The following UBOX5 variants were observed in gnomAD, a reference collection of about 807,000 sequenced individuals.
UBOX5 encodes the protein RING finger protein 37.
UBOX5 carries 28 observed loss-of-function variants against 39.0 expected under a neutral mutation model. The observed-to-expected ratio is 0.72, with a 90% CI of 0.53 to 0.98. UBOX5 has a LOEUF of 0.98. Ranked by LOEUF, UBOX5 falls within the 50% of genes least tolerant of loss-of-function variation. The probability of loss-of-function intolerance (pLI) is 0.00; values close to 1 mark genes in which losing one functional copy is unlikely to be tolerated. For missense variants in UBOX5, 585 were observed against 674.4 expected, an observed-to-expected ratio of 0.87 and a Z score of 1.47; for synonymous variants, 283 against 275.5, an observed-to-expected ratio of 1.03 and a Z score of -0.27.
rs192201149 is a variant in UBOX5, at chr20:3,152,531, G to A, written c.-42+7235C>T. Among the ~76,000 whole-genome samples, 119 of 151,924 alleles carry A rather than the reference G, an allele frequency of 7.8e-4. No homozygotes were observed. In the East Asian group the frequency reaches 0.01, roughly 13 times the overall value. On this transcript the variant is annotated intron_variant, in intron 1 of 4. Coordinates refer to ENST00000217173, the MANE Select transcript of UBOX5 (RefSeq NM_014948.4). The stretch of plus-strand genomic sequence containing the variant: ...AAAAAGAAGAGGAAGACCTACTTTC[G>A]AATTTGGAATTTAATTTAATCCACC...
chr20:3,117,128 C>T (rs991559763), intron 3 of UBOX5, among the ~76,000 whole-genome samples: 5 of 151,600 alleles, frequency 3.3e-5, no homozygotes, highest in African/African-American at 1.2e-4. Flanking sequence ...AAAGAGCTAC[C>T]CTCCACAAGC....
chr20:3,114,737 C>T (rs570919073), intron 4 of UBOX5, among the ~76,000 whole-genome samples: 1 of 152,100 alleles, frequency 6.6e-6, no homozygotes, highest in Non-Finnish European at 1.5e-5. Flanking sequence ...ATCACGAGGT[C>T]GGGAGTTCGA....
At chr20:3,144,587 A>G (rs975787590) in intron 1 of UBOX5, among the ~76,000 whole-genome samples, 4 of 152,254 alleles carry the variant, frequency 2.6e-5, no homozygotes, top group African/African-American at 9.6e-5. Context: ...TAAATATGAT[A>G]CCAAAAGCAC....
At position 3,121,991 on chromosome 20, in the gene UBOX5, G is replaced by A. The variant is rs937674738; in HGVS notation, c.648C>T (p.Asn216=). ...IDSILLVTSE[N]LPQDVALQAP... is the part of the protein sequence containing the mutation. ...CCTGCAGAGCCACATCCTGAGGCAG[G>A]TTCTCTGAGGTGACCAGCAGGATGC... Residue 216 remains asparagine (N), a synonymous_variant, in exon 3 of 5, where the codon AAC becomes AAT. Transcript: ENST00000217173. 1.9e-6 allele frequency: 3 copies of A among 1,614,156 alleles called. No individual in the cohort carries two copies. Among genetic ancestry groups the A allele is most frequent in the East Asian group, 2.2e-5 (1 of 44,884 alleles).
chr20:3,123,236 C>T lies in UBOX5; in HGVS notation c.54+76G>A, dbSNP rs1167225011. ...GTGCAGTAAGCCTGAATCAAATCCA[C>T]ACACACAAGGCAGGAAATGATGAAA... On this transcript the variant is annotated intron_variant, in intron 2 of 4. Coordinates refer to ENST00000217173, the MANE Select transcript of UBOX5 (RefSeq NM_014948.4). 3.4e-6 allele frequency: 5 copies of T among 1,484,770 alleles called. No homozygotes were observed. The African/African-American group carries it at 5.6e-5, about 16-fold the overall frequency. The allele number at this position is 1,484,770 out of a possible 1,614,324, so 92.0% of individuals were successfully genotyped here.
intron 4 of UBOX5, among the ~76,000 whole-genome samples, chr20:3,111,247 C>T (rs1255921467): frequency 6.6e-6 from 1 of 152,190 alleles, no homozygotes; most frequent in Non-Finnish European, 1.5e-5. Context: ...TTCCTAGCCA[C>T]TACTCTCTGG....
At position 3,121,605 on chromosome 20, in the gene UBOX5, C is replaced by T; in HGVS notation, c.1034G>A (p.Arg345Lys). The change falls in exon 3 of 5, where the codon AGA becomes AAA. Residue 345 changes from arginine (R) to lysine (K), a missense_variant. Arg to Lys is a conservative substitution (Grantham distance 26). Coordinates refer to ENST00000217173, the MANE Select transcript of UBOX5 (RefSeq NM_014948.4). ...GATCACTGCCAATGCCGTCTGTGCT[C>T]TCCCAAGCAGGTGGCAGCCAGGGAT... is the stretch of plus-strand genomic sequence containing the variant. ...HSIPGCHLLGRAQTALAVIPS... is the reference protein window; with the variant it reads ...HSIPGCHLLGKAQTALAVIPS... 6.2e-7 allele frequency: 1 copy of T among 1,606,282 alleles called. No homozygotes were observed.
chr20:3,116,093 T>C (rs2066291971), intron 3 of UBOX5, among the ~76,000 whole-genome samples: 1 of 152,130 alleles, frequency 6.6e-6, no homozygotes, highest in Admixed American at 6.6e-5. Context: ...AGAAAATAAC[T>C]GGGGCAAGCA....
At chr20:3,130,648 G>T (rs991530456) in intron 1 of UBOX5, among the ~76,000 whole-genome samples, 11 of 152,036 alleles carry the variant, frequency 7.2e-5, no homozygotes, top group African/African-American at 2.4e-4. Context: ...TTTATGAAAG[G>T]TTCTTCTTAA....
At chr20:3,118,707 G>C (rs1440588995) in intron 3 of UBOX5, among the ~76,000 whole-genome samples, 2 of 152,104 alleles carry the variant, frequency 1.3e-5, no homozygotes, top group Non-Finnish European at 2.9e-5. Flanking sequence ...GGGAGGCGGA[G>C]CTGGCAGTGA....
Position 3,122,131 on chromosome 20 carries a change from C to A in UBOX5, c.508G>T (p.Val170Leu). 2 of 1,614,238 alleles carry A rather than the reference C, an allele frequency of 1.2e-6. No individual in the cohort carries two copies. The highest frequency in any genetic ancestry group is 1.3e-5 in the African/African-American group (1 of 75,062). The change falls in exon 3 of 5, where the codon GTG (valine) becomes TTG (leucine). Residue 170 changes from valine to leucine, a missense_variant. Val to Leu is a conservative substitution (Grantham distance 32). Transcript: ENST00000217173. ...WNKGALSLSH[V>L]AHLRICITHV... ...GTGATACAGATCCTTAAGTGGGCCA[C>A]GTGGCTAAGGGAAAGAGCCCCTTTA...
chr20:3,133,188 A>G (rs1346185552), intron 1 of UBOX5, among the ~76,000 whole-genome samples: 1 of 152,212 alleles, frequency 6.6e-6, no homozygotes, highest in African/African-American at 2.4e-5. Flanking sequence ...TTGCTATCAA[A>G]GTCTTTAATA....
chr20:3,148,247 T>A, intron 1 of UBOX5: 1 of 1,613,514 alleles, frequency 6.2e-7, no homozygotes, highest in Non-Finnish European at 8.5e-7. Flanking sequence ...CAAGGATAGA[T>A]CCTTCCAGTG....
chr20:3,139,383 T>TTTTATTTA (rs112252385), intron 1 of UBOX5, among the ~76,000 whole-genome samples: 25 of 151,540 alleles, frequency 1.6e-4, no homozygotes, highest in African/African-American at 5.6e-4. Flanking sequence ...TATTTTTAAT[T>TTTTATTTA]TTTATTTATT....
chr20:3,139,441 G>A (rs2066498012), intron 1 of UBOX5, among the ~76,000 whole-genome samples: 1 of 152,128 alleles, frequency 6.6e-6, no homozygotes, highest in Admixed American at 6.6e-5. Context: ...CCAGGCTGGA[G>A]TGCAATGGCG....
intron 1 of UBOX5, among the ~76,000 whole-genome samples, chr20:3,132,845 G>T (rs2066440125): frequency 1.3e-5 from 2 of 151,436 alleles, no homozygotes; most frequent in Non-Finnish European, 2.9e-5. Flanking sequence ...AAATGGCTGG[G>T]TGGGGTTGTG....
intron 4 of UBOX5, among the ~76,000 whole-genome samples, chr20:3,114,675 C>A (rs988217587): frequency 6.6e-6 from 1 of 152,138 alleles, no homozygotes; most frequent in Admixed American, 6.6e-5. Flanking sequence ...AAAGGCCAGG[C>A]GCGGTGGCTC....
chr20:3,133,084 G>A (rs917040169), intron 1 of UBOX5, among the ~76,000 whole-genome samples: 26 of 152,164 alleles, frequency 1.7e-4, no homozygotes, highest in African/African-American at 6.0e-4. Context: ...GTTGTCACAG[G>A]AGAATGGCAG....
intron 1 of UBOX5, among the ~76,000 whole-genome samples, chr20:3,157,555 T>C (rs1029533284): frequency 2.6e-5 from 4 of 152,236 alleles, no homozygotes; most frequent in African/African-American, 9.6e-5. Flanking sequence ...AGATATAGTA[T>C]GACTAAGCCC....
Sources: gnomAD v4.1 joint callset for allele counts (sites outside exome capture counted in the v4.1 genomes callset) on GRCh38, gnomAD v4.1.1 for gene constraint, MANE v1.5 for transcripts, NCBI Gene and HGNC (gene_info 2026-07-23, HGNC 2026-07-21) for gene names.